GFRA1: variants seen among roughly 807,000 people sequenced by gnomAD.
The protein encoded by GFRA1 is GDNF family receptor alpha 1, also known as GDNF family receptor alpha-1.
GFRA1 carries 16 observed loss-of-function variants against 51.6 expected under a neutral mutation model. The observed-to-expected ratio is 0.31, with a 90% CI of 0.21 to 0.47. The LOEUF is 0.47. GFRA1 is among the 20% of genes least tolerant of loss of function. The pLI is 1.00. For synonymous variants in GFRA1, 270 were observed against 241.3 expected (o/e 1.12, Z -1.10); for missense variants, 530 against 594.3 (o/e 0.89, Z 1.13).
At chr10:116,192,206 T>C (rs928474639) in intron 5 of GFRA1, among the ~76,000 whole-genome samples, 2 of 152,144 alleles carry the variant, frequency 1.3e-5, no homozygotes, top group Non-Finnish European at 2.9e-5. Flanking sequence ...CCCATCCCCA[T>C]TCCTTGTCTC....
intron 4 of GFRA1, among the ~76,000 whole-genome samples, chr10:116,235,960 A>G (rs75613298): frequency 0.061 from 9,260 of 152,222 alleles, 855 homozygotes; most frequent in African/African-American, 0.2. Flanking sequence ...CCATTGTTTT[A>G]GCCACCCAGT....
At chr10:116,066,644 A>G (rs1391356729) in intron 9 of GFRA1, among the ~76,000 whole-genome samples, 2 of 152,226 alleles carry the variant, frequency 1.3e-5, no homozygotes, top group Non-Finnish European at 2.9e-5. Flanking sequence ...ATTTACTTAC[A>G]GAGTCAGGAT....
intron 5 of GFRA1, among the ~76,000 whole-genome samples, chr10:116,165,827 C>A (rs1424645584): frequency 6.7e-6 from 1 of 148,702 alleles, no homozygotes; most frequent in Non-Finnish European, 1.5e-5. Context: ...TTCAAGGGTA[C>A]AAGTGCATGT....
chr10:116,067,834 T>A (rs1955184354), intron 9 of GFRA1, among the ~76,000 whole-genome samples: 1 of 152,186 alleles, frequency 6.6e-6, no homozygotes, highest in Non-Finnish European at 1.5e-5. Flanking sequence ...ACTCCAAGGA[T>A]CTTGTCTTCT....
Position 116,096,705 on chromosome 10 carries a change from C to T in GFRA1, c.830G>A (p.Cys277Tyr), listed in dbSNP as rs1466364287. The change falls in exon 7 of 11, where the codon TGT becomes TAT. Residue 277 changes from cysteine to tyrosine, a missense_variant. By Grantham distance (194) the Cys-to-Tyr change is radical (BLOSUM62 -2). Transcript: ENST00000355422. ...CQPESRSVSS[C>Y]LKENYADCLL... The stretch of plus-strand genomic sequence containing the variant: ...GCAGTCAGCGTAGTTTTCCTTTAGA[C>T]AGCTGCTGACAGACCTTGACTCTGG... 11 of 1,612,918 alleles carry T rather than the reference C, an allele frequency of 6.8e-6. No individual in the cohort carries two copies. In the East Asian group the frequency reaches 2.2e-4, roughly 33 times the overall value.
chr10:116,199,976 G>A (rs1018119641), intron 5 of GFRA1, among the ~76,000 whole-genome samples: 3 of 152,150 alleles, frequency 2.0e-5, no homozygotes, highest in African/African-American at 7.2e-5. Context: ...ATAGAATGTT[G>A]CCCTCTTTTG....
At chr10:116,145,710 A>G (rs1958770204) in intron 5 of GFRA1, among the ~76,000 whole-genome samples, 1 of 152,204 alleles carries the variant, frequency 6.6e-6, no homozygotes, top group African/African-American at 2.4e-5. Flanking sequence ...TTTAAAGACA[A>G]CAGCTATAGA....
At chr10:116,258,721 A>C (rs1268129390) in intron 4 of GFRA1, among the ~76,000 whole-genome samples, 2 of 152,138 alleles carry the variant, frequency 1.3e-5, no homozygotes, top group Admixed American at 1.3e-4. Flanking sequence ...CCCCAAGACA[A>C]GTTTCTCACT....
At chr10:116,206,620 CT>C (rs1484156930) in intron 5 of GFRA1, among the ~76,000 whole-genome samples, 1 of 98,580 alleles carries the variant, frequency 1.0e-5, no homozygotes, top group Non-Finnish European at 2.0e-5. Context: ...AAACCACATT[CT>C]CTTTTTTTTT....
In GFRA1 at chr10:116,155,524, T is replaced by C. The variant is rs556320635; in HGVS notation, c.434-29967A>G. Among the ~76,000 whole-genome samples, 320 of 152,296 alleles carry C rather than the reference T, an allele frequency of 2.1e-3. 4 individuals carry two copies. Among genetic ancestry groups the C allele is most frequent in the African/African-American group, 7.3e-3 (304 of 41,558 alleles). On this transcript the variant is annotated intron_variant, in intron 5 of 10. Transcript: ENST00000355422. The stretch of plus-strand genomic sequence containing the variant: ...CTTGTCTCCCACAACCCAGAACAGA[T>C]ACATATTAATGGAATTTTTTTAAAT...
chr10:116,228,565 A>G (rs1314175296), intron 4 of GFRA1, among the ~76,000 whole-genome samples: 1 of 152,202 alleles, frequency 6.6e-6, no homozygotes, highest in Non-Finnish European at 1.5e-5. Flanking sequence ...AGGTGGGCCC[A>G]GCCTAATCAA....
intron 5 of GFRA1, among the ~76,000 whole-genome samples, chr10:116,130,191 T>C (rs1028162789): frequency 2.0e-5 from 3 of 151,884 alleles, no homozygotes; most frequent in Non-Finnish European, 4.4e-5. Flanking sequence ...AATGGAAATA[T>C]ATACCATGTT....
intron 9 of GFRA1, among the ~76,000 whole-genome samples, chr10:116,074,658 C>A (rs1031474176): frequency 6.6e-6 from 1 of 152,176 alleles, no homozygotes; most frequent in Non-Finnish European, 1.5e-5. Flanking sequence ...GGAAAACTCC[C>A]AAAATGTCGA....
intron 8 of GFRA1, among the ~76,000 whole-genome samples, chr10:116,091,308 A>AAGAT (rs1956324876): frequency 6.6e-6 from 1 of 152,180 alleles, no homozygotes; most frequent in African/African-American, 2.4e-5. Flanking sequence ...ACATCAACAA[A>AAGAT]AGATAAAAGT....
chr10:116,206,645 T>TTTTTTA (rs1964786570), intron 5 of GFRA1, among the ~76,000 whole-genome samples: 5 of 91,278 alleles, frequency 5.5e-5, no homozygotes, highest in East Asian at 3.2e-4. Flanking sequence ...TTTTTTTTTT[T>TTTTTTA]GAGACGGAGC....
intron 5 of GFRA1, among the ~76,000 whole-genome samples, chr10:116,201,615 C>T (rs565429853): frequency 3.8e-4 from 58 of 152,102 alleles, no homozygotes; most frequent in Non-Finnish European, 6.5e-4. Context: ...CCTTCAGGGG[C>T]ACCTATCTGT....
At chr10:116,238,267 C>T (rs1026501194) in intron 4 of GFRA1, among the ~76,000 whole-genome samples, 1 of 152,218 alleles carries the variant, frequency 6.6e-6, no homozygotes, top group African/African-American at 2.4e-5. Context: ...TGGGGAACGC[C>T]GCCTGCCAGG....
chr10:116,256,571 G>C (rs1968873210), intron 4 of GFRA1, among the ~76,000 whole-genome samples: 1 of 152,138 alleles, frequency 6.6e-6, no homozygotes, highest in Non-Finnish European at 1.5e-5. Context: ...GAGCTGCATA[G>C]GCACTCCCAG....
chr10:116,163,382 T>G (rs1043483824), intron 5 of GFRA1, among the ~76,000 whole-genome samples: 21 of 152,194 alleles, frequency 1.4e-4, no homozygotes, highest in Non-Finnish European at 1.5e-5. Context: ...GACAAGCCTT[T>G]TTGTTCTCAA....
Sources: gnomAD v4.1 joint callset for allele counts (sites outside exome capture counted in the v4.1 genomes callset) on GRCh38, gnomAD v4.1.1 for gene constraint, MANE v1.5 for transcripts, NCBI Gene and HGNC (gene_info 2026-07-23, HGNC 2026-07-21) for gene names.